The following CEP83 variants were observed in gnomAD, a reference collection of about 807,000 sequenced individuals.
CEP83 encodes the protein centrosomal protein 83.
CEP83 carries 70 observed loss-of-function variants against 101.9 expected under a neutral mutation model. The ratio of observed to expected loss-of-function variants is 0.69; its 90% CI spans 0.57 to 0.84. The LOEUF is 0.84. CEP83 is among the 40% of genes least tolerant of loss of function. The pLI is 0.00. For missense variants in CEP83, 715 were observed against 787.2 expected, an observed-to-expected ratio of 0.91 and a Z score of 1.10; for synonymous variants, 264 against 267.9, an observed-to-expected ratio of 0.99 and a Z score of 0.14.
intron 11 of CEP83, among the ~76,000 whole-genome samples, chr12:94,358,267 G>C (rs189383562): frequency 4.6e-5 from 7 of 152,258 alleles, no homozygotes; most frequent in African/African-American, 1.7e-4. Context: ...GGGAGCACAA[G>C]TTCTAATTCC....
chr12:94,312,742 G>T lies in CEP83; in HGVS notation c.1811+172C>A. Reference sequence around the variant, plus strand: ...TGTGACAGAGACCTTTTGGTTTAAAGAAACATTCAGTTAGGGGGTAAAAAA... The same window carrying T: ...TGTGACAGAGACCTTTTGGTTTAAATAAACATTCAGTTAGGGGGTAAAAAA... On this transcript the variant is annotated intron_variant, in intron 15 of 16. Coordinates refer to ENST00000397809, the MANE Select transcript of CEP83 (RefSeq NM_016122.3). The T allele has an allele frequency of 3.0e-6, 3 of 984,922 alleles. No homozygotes were observed. The South Asian group carries it at 1.4e-4, about 46-fold the overall frequency. 61.0% of individuals were successfully genotyped at this position (984,922 alleles called of 1,614,324 possible).
At chr12:94,298,983 TATGCCA>T in the CEP83 span, among the ~76,000 whole-genome samples, 1 of 152,248 alleles carries the variant, frequency 6.6e-6, no homozygotes, top group African/African-American at 2.4e-5. Context: ...AAACCATTCC[TATGCCA>T]AGAATCCTGT....
intron 14 of CEP83, among the ~76,000 whole-genome samples, chr12:94,318,255 T>C (rs938796269): frequency 1.3e-5 from 2 of 152,210 alleles, no homozygotes; most frequent in East Asian, 1.9e-4. Flanking sequence ...TTTTTGTACA[T>C]TGAGTTTGTA....
At chr12:94,275,834 G>A in the CEP83 span, among the ~76,000 whole-genome samples, 11 of 121,626 alleles carry the variant, frequency 9.0e-5, 2 homozygotes, top group Non-Finnish European at 1.6e-4. Context: ...CAGCCTGGGC[G>A]ACAGAGCGAG....
chr12:94,359,913 G>A (rs1007466602), intron 11 of CEP83, among the ~76,000 whole-genome samples: 3 of 152,002 alleles, frequency 2.0e-5, no homozygotes, highest in African/African-American at 4.8e-5. Flanking sequence ...CCAGCAACAC[G>A]TTAAAAAGAT....
At chr12:94,360,887 G>C (rs1486910006) in intron 11 of CEP83, among the ~76,000 whole-genome samples, 1 of 152,082 alleles carries the variant, frequency 6.6e-6, no homozygotes, top group Non-Finnish European at 1.5e-5. Flanking sequence ...AAACACCATA[G>C]TACTGGCATA....
At chr12:94,364,729 T>G (rs979197664) in intron 11 of CEP83, among the ~76,000 whole-genome samples, 1 of 152,138 alleles carries the variant, frequency 6.6e-6, no homozygotes, top group Non-Finnish European at 1.5e-5. Flanking sequence ...TACCCAAGTA[T>G]ATATGGAAAT....
chr12:94,290,942 G>A, the CEP83 span, among the ~76,000 whole-genome samples: 1 of 152,144 alleles, frequency 6.6e-6, no homozygotes, highest in East Asian at 1.9e-4. Context: ...CTTGCCACCC[G>A]TTTGTCTTGT....
chr12:94,405,940 G>C (rs2063509978), intron 4 of CEP83, among the ~76,000 whole-genome samples: 3 of 152,138 alleles, frequency 2.0e-5, no homozygotes, highest in Admixed American at 2.0e-4. Flanking sequence ...TGTGTGCAAG[G>C]AAACTACCTA....
downstream of CEP83, among the ~76,000 whole-genome samples, chr12:94,301,627 A>C (rs1019734994): frequency 8.5e-5 from 13 of 152,228 alleles, no homozygotes; most frequent in African/African-American, 3.1e-4. Flanking sequence ...TGAGCGCTCC[A>C]AAATATACTA....
intron 2 of CEP83, among the ~76,000 whole-genome samples, chr12:94,421,228 T>A (rs911080360): frequency 1.3e-4 from 20 of 152,038 alleles, no homozygotes; most frequent in East Asian, 3.9e-4. Flanking sequence ...TTTTAATTTT[T>A]ATTTTTATTT....
chr12:94,325,043 C>T (rs989479130), intron 14 of CEP83, among the ~76,000 whole-genome samples: 4 of 152,102 alleles, frequency 2.6e-5, no homozygotes, highest in African/African-American at 9.7e-5. Flanking sequence ...TCTGGAACAC[C>T]CTTACCTTAC....
intron 1 of CEP83, among the ~76,000 whole-genome samples, chr12:94,445,714 CATTT>C (rs767609869): frequency 2.0e-5 from 3 of 152,096 alleles, no homozygotes; most frequent in Non-Finnish European, 2.9e-5. Context: ...ATTAAGTAAA[CATTT>C]GTTTGTATTT....
At chr12:94,284,817 A>AGTTC in the CEP83 span, among the ~76,000 whole-genome samples, 1 of 152,288 alleles carries the variant, frequency 6.6e-6, no homozygotes, top group East Asian at 1.9e-4. Flanking sequence ...CCTCTTCAGG[A>AGTTC]GTTCTGAGTC....
the CEP83 span, chr12:94,298,505 T>G: frequency 7.8e-6 from 6 of 773,328 alleles, no homozygotes; most frequent in Non-Finnish European, 1.2e-5. Flanking sequence ...TACATTTTTC[T>G]CTTCAGTTTG....
chr12:94,319,510 T>C (rs756810961), intron 14 of CEP83, among the ~76,000 whole-genome samples: 3 of 152,200 alleles, frequency 2.0e-5, no homozygotes, highest in Non-Finnish European at 4.4e-5. Context: ...GGGCATTTGG[T>C]GCTATAAATT....
the CEP83 span, among the ~76,000 whole-genome samples, chr12:94,278,825 G>A: frequency 6.6e-6 from 1 of 151,980 alleles, no homozygotes; most frequent in Non-Finnish European, 1.5e-5. Context: ...GTGAAACCCC[G>A]TCTCTACTAA....
chr12:94,386,301 A>C lies in CEP83; in HGVS notation c.550-7259T>G, dbSNP rs377150644. Among the ~76,000 whole-genome samples the C allele has an allele frequency of 4.6e-5, 7 of 152,268 alleles. No homozygotes were observed. In the East Asian group the frequency reaches 7.7e-4, roughly 17 times the overall value. ...TTCCACTCTGTCTAACGGAAAAATA[A>C]ATTTTCCCAGTCCCATGTGAACTCT... On this transcript the variant is annotated intron_variant, in intron 6 of 16. Transcript: ENST00000397809.
At chr12:94,299,123 G>GA in the CEP83 span, among the ~76,000 whole-genome samples, 1 of 152,266 alleles carries the variant, frequency 6.6e-6, no homozygotes, top group South Asian at 2.1e-4. Context: ...TTGCATTAGA[G>GA]AAAATTTTAT....
Sources: allele counts gnomAD v4.1 joint callset (sites outside exome capture counted in the v4.1 genomes callset), GRCh38; gene constraint gnomAD v4.1.1; transcripts MANE v1.5; gene names NCBI Gene and HGNC (gene_info 2026-07-23, HGNC 2026-07-21).